The following DHRSX variants were observed in gnomAD, a reference collection of about 807,000 sequenced individuals.
DHRSX encodes polyprenol dehydrogenase.
DHRSX carries 31 observed loss-of-function variants against 34.0 expected under a neutral mutation model. The ratio of observed to expected loss-of-function variants is 0.91; its 90% CI spans 0.69 to 1.23. DHRSX has a LOEUF of 1.23. DHRSX is among the 50% of genes most tolerant of loss of function. DHRSX has a pLI of 0.00. For missense variants in DHRSX, 414 were observed against 428.1 expected, an observed-to-expected ratio of 0.97 and a Z score of 0.29; for synonymous variants, 201 against 183.8, an observed-to-expected ratio of 1.09 and a Z score of -0.76.
chrX:2,314,854 T>C (rs1451076126), intron 3 of DHRSX, among the ~76,000 whole-genome samples: 1 of 151,954 alleles, frequency 6.6e-6, no homozygotes, highest in Non-Finnish European at 1.5e-5. Context: ...GGCTCGGAAG[T>C]CATTGAAAAG....
chrX:2,286,145 C>A (rs2124485041), intron 4 of DHRSX, among the ~76,000 whole-genome samples: 1 of 152,214 alleles, frequency 6.6e-6, no homozygotes, highest in African/African-American at 2.4e-5. Context: ...AATTCTGATG[C>A]ACAAACTAAG....
intron 1 of DHRSX, among the ~76,000 whole-genome samples, chrX:2,485,883 G>C (rs1419226811): frequency 8.0e-5 from 12 of 149,084 alleles, no homozygotes; most frequent in Non-Finnish European, 1.6e-4. Context: ...AAGGAAGGGA[G>C]AGAAGAAGAG....
intron 4 of DHRSX, among the ~76,000 whole-genome samples, chrX:2,285,589 G>A (rs754570067): frequency 9.2e-5 from 14 of 152,164 alleles, no homozygotes; most frequent in African/African-American, 2.4e-4. Context: ...TCTGCTGTGC[G>A]GCCGGTGTCC....
chrX:2,298,769 T>A (rs2041975433), intron 3 of DHRSX, among the ~76,000 whole-genome samples: 5 of 151,870 alleles, frequency 3.3e-5, no homozygotes, highest in Admixed American at 3.3e-4. Flanking sequence ...GCGGATCACC[T>A]GAGGTCGGGA....
chrX:2,373,399 T>C (rs1486388709), intron 3 of DHRSX, among the ~76,000 whole-genome samples: 1 of 152,154 alleles, frequency 6.6e-6, no homozygotes, highest in Non-Finnish European at 1.5e-5. Flanking sequence ...TGCTGTGTTC[T>C]GAGGCGAGGC....
intron 3 of DHRSX, among the ~76,000 whole-genome samples, chrX:2,400,871 T>C (rs2043476999): frequency 6.6e-6 from 1 of 152,152 alleles, no homozygotes; most frequent in Admixed American, 6.6e-5. Context: ...TTATAGGTCA[T>C]TGGATAGGCC....
chrX:2,370,779 C>T (rs1367791756), intron 3 of DHRSX, among the ~76,000 whole-genome samples: 3 of 152,060 alleles, frequency 2.0e-5, no homozygotes, highest in Non-Finnish European at 4.4e-5. Context: ...TTGGGTTTCT[C>T]TCCTCCTATC....
chrX:2,241,127 C>T (rs767885180), intron 6 of DHRSX, among the ~76,000 whole-genome samples: 6 of 151,768 alleles, frequency 4.0e-5, no homozygotes, highest in South Asian at 4.2e-4. Context: ...GAGGCTGCAG[C>T]GAGCCGAGAT....
intron 5 of DHRSX, among the ~76,000 whole-genome samples, chrX:2,259,309 T>C (rs1356901798): frequency 1.4e-5 from 2 of 147,116 alleles, no homozygotes; most frequent in Non-Finnish European, 3.0e-5. Flanking sequence ...TAGATATAGA[T>C]ATAGATATAT....
intron 1 of DHRSX, among the ~76,000 whole-genome samples, chrX:2,464,495 G>A (rs2044456400): frequency 1.1e-5 from 1 of 88,632 alleles, no homozygotes; most frequent in African/African-American, 5.1e-5. Context: ...ATGCGTCCAG[G>A]GGACTGCTGC....
intron 3 of DHRSX, among the ~76,000 whole-genome samples, chrX:2,408,472 G>T (rs2043586382): frequency 6.6e-6 from 1 of 152,060 alleles, no homozygotes; most frequent in Non-Finnish European, 1.5e-5. Context: ...GTTCCCTGGG[G>T]AACACACATT....
intron 5 of DHRSX, among the ~76,000 whole-genome samples, chrX:2,246,758 G>T (rs868319835): frequency 7.4e-5 from 11 of 148,832 alleles, no homozygotes; most frequent in African/African-American, 2.7e-4. Context: ...GAAAAAGAAA[G>T]AAAATAAAAG....
At chrX:2,488,327 A>C in intron 1 of DHRSX, 19 of 320,038 alleles carry the variant, frequency 5.9e-5, no homozygotes, top group East Asian at 3.4e-4. Flanking sequence ...GGCACATGCC[A>C]TCAGTCCTGG....
At chrX:2,477,953 C>G (rs1603146871) in intron 1 of DHRSX, among the ~76,000 whole-genome samples, 1 of 152,260 alleles carries the variant, frequency 6.6e-6, no homozygotes, top group East Asian at 1.9e-4. Context: ...TAAGGTTTCT[C>G]TCCTGTCATC....
intron 3 of DHRSX, among the ~76,000 whole-genome samples, chrX:2,312,763 G>C (rs2042178886): frequency 1.3e-5 from 2 of 151,986 alleles, no homozygotes; most frequent in Non-Finnish European, 2.9e-5. Context: ...GAATCCTCTG[G>C]CATGAAGACC....
chrX:2,317,159 C>G (rs2042250063), intron 3 of DHRSX, among the ~76,000 whole-genome samples: 1 of 151,886 alleles, frequency 6.6e-6, no homozygotes, highest in African/African-American at 2.4e-5. Context: ...GCTTTCACCA[C>G]GTTTGTCAGG....
At chrX:2,317,846 C>T (rs1190089358) in intron 3 of DHRSX, among the ~76,000 whole-genome samples, 2 of 151,938 alleles carry the variant, frequency 1.3e-5, no homozygotes, top group Non-Finnish European at 2.9e-5. Context: ...TCAGGGTGGG[C>T]GGAGAGATCA....
intron 4 of DHRSX, 138 bp downstream of exon 4, chrX:2,291,364 C>T: frequency 1.4e-6 from 1 of 701,388 alleles, no homozygotes; most frequent in East Asian, 2.5e-5. Flanking sequence ...AAATGAAGCA[C>T]TGACTAGAAA....
intron 6 of DHRSX, 139 bp from the exon 7 acceptor site, chrX:2,221,368 G>A: frequency 1.2e-6 from 1 of 862,614 alleles, no homozygotes; most frequent in Non-Finnish European, 1.8e-6. Flanking sequence ...AAAAAGCGAG[G>A]TTGGGTGATC....
Sources: gnomAD v4.1 joint callset for allele counts (sites outside exome capture counted in the v4.1 genomes callset) on GRCh38, gnomAD v4.1.1 for gene constraint, MANE v1.5 for transcripts, NCBI Gene and HGNC (gene_info 2026-07-23, HGNC 2026-07-21) for gene names.